Variants in HIBCH observed in about 807,000 individuals in gnomAD.
HIBCH encodes 3-hydroxyisobutyryl-CoA hydrolase.
Under a neutral mutation model 58.2 loss-of-function variants are expected in HIBCH, and 50 were observed. The observed-to-expected ratio is 0.86, with a 90% CI of 0.68 to 1.09. The LOEUF (loss-of-function observed/expected upper bound fraction) is 1.09, where lower values mean the gene tolerates loss of function less well. Ranked by LOEUF, HIBCH falls within the 50% of genes least tolerant of loss-of-function variation. HIBCH has a pLI of 0.00. For synonymous variants in HIBCH, 151 were observed against 146.9 expected, an observed-to-expected ratio of 1.03 and a Z score of -0.20; for missense variants, 450 against 449.7, an observed-to-expected ratio of 1.00 and a Z score of -0.01.
intron 7 of HIBCH, among the ~76,000 whole-genome samples, chr2:190,260,891 TTAA>T (rs1687069514): frequency 6.6e-6 from 1 of 152,206 alleles, no homozygotes; most frequent in Non-Finnish European, 1.5e-5. Flanking sequence ...ATATATTCCC[TTAA>T]TGATATTTTA....
At chr2:190,246,008 A>AAT in intron 10 of HIBCH, 146 bp downstream of exon 10, 1 of 531,212 alleles carries the variant, frequency 1.9e-6, no homozygotes, top group Non-Finnish European at 3.3e-6. Flanking sequence ...AAAAAAAAAA[A>AAT]GGAAGGAAAG....
Position 190,210,720 on chromosome 2 carries a change from C to T in HIBCH, c.1012-1807G>A, listed in dbSNP as rs1040109218. Among the ~76,000 whole-genome samples the T allele has an allele frequency of 2.0e-5, 3 of 152,256 alleles. No homozygotes were observed. The highest frequency in any genetic ancestry group is 4.4e-5 in the Non-Finnish European group (3 of 68,012). ...CCTCTGCCCCCCATCCGCTTCCACA[C>T]GGCCTCTTTGTGGTCCCTAGCACAG... is the stretch of plus-strand genomic sequence containing the variant. On this transcript the variant is annotated intron_variant, in intron 12 of 13. Coordinates refer to ENST00000359678, the MANE Select transcript of HIBCH (RefSeq NM_014362.4). The surrounding 1 kb of genome is among the most constrained non-coding windows in gnomAD (Gnocchi z 5.5).
chr2:190,256,387 T>A (rs1051011711), intron 7 of HIBCH, among the ~76,000 whole-genome samples: 1 of 147,824 alleles, frequency 6.8e-6, no homozygotes, highest in African/African-American at 2.6e-5. Flanking sequence ...CAAAGCAAGA[T>A]CTTGCCCCAG....
At chr2:190,205,762 A>C (rs751142280) in intron 13 of HIBCH, among the ~76,000 whole-genome samples, 4 of 152,192 alleles carry the variant, frequency 2.6e-5, no homozygotes, top group African/African-American at 4.8e-5. Context: ...GATTTAAAAA[A>C]ATCAGGTTAT....
At position 190,197,571 on chromosome 2, in the gene HIBCH, ACT is replaced by A. The variant is rs956337490; in HGVS notation, c.*17+7527_*17+7528del. Among the ~76,000 whole-genome samples the A allele has an allele frequency of 1.3e-4, 20 of 151,990 alleles. No homozygotes were observed. The highest frequency in any genetic ancestry group is 4.3e-4 in the African/African-American group (18 of 41,456). ...TAACCTCTGTTGCATCAGAGTTGCC[ACT>A]CTCTGACTCTCCTGGGGCTCAACTC... On this transcript the variant is annotated intron_variant, in intron 1 of 1. Transcript: ENST00000399855. The surrounding 1 kb of genome is among the most constrained non-coding windows in gnomAD (Gnocchi z 4.0).
rs1239115068 is a variant in HIBCH at position 190,300,817 on chromosome 2, G to A, written c.79-3864C>T. ...CATTTAAATCTTTAATTCATCTTGA[G>A]ATAATTTTTGTATATAGTGTAAGCA... On this transcript the variant is annotated intron_variant, in intron 2 of 13. Transcript: ENST00000359678. 4.6e-5 allele frequency among the ~76,000 whole-genome samples: 7 copies of A among 152,274 alleles called. No homozygotes were observed. In the South Asian group the frequency reaches 1.5e-3, roughly 32 times the overall value.
intron 5 of HIBCH, among the ~76,000 whole-genome samples, chr2:190,288,457 A>C (rs1687884260): frequency 6.7e-6 from 1 of 150,338 alleles, no homozygotes; most frequent in African/African-American, 2.5e-5. Flanking sequence ...TTCTGGAGAA[A>C]CTTTTGCACA....
intron 1 of HIBCH, among the ~76,000 whole-genome samples, chr2:190,192,061 GTCT>G (rs1207274046): frequency 6.6e-6 from 1 of 151,460 alleles, no homozygotes; most frequent in Non-Finnish European, 1.5e-5. Context: ...CAAATGTTTT[GTCT>G]TCTTGTTTTA....
At chr2:190,262,789 T>A (rs2105953943) in intron 6 of HIBCH, among the ~76,000 whole-genome samples, 1 of 152,360 alleles carries the variant, frequency 6.6e-6, no homozygotes, top group East Asian at 1.9e-4. Context: ...ATAGAGTATG[T>A]TTTATTTTAG....
Position 190,284,923 on chromosome 2 carries a change from G to C in HIBCH, c.438+2663C>G, listed in dbSNP as rs1285793711. Among the ~76,000 whole-genome samples the C allele has an allele frequency of 3.9e-5, 6 of 151,996 alleles. 1 individual carries two copies. Among genetic ancestry groups the C allele is most frequent in the African/African-American group, 1.4e-4 (6 of 41,390 alleles). On this transcript the variant is annotated intron_variant, in intron 6 of 13. Coordinates refer to ENST00000359678, the MANE Select transcript of HIBCH (RefSeq NM_014362.4). ...TTCATTATATCTGATCATCATTTCT[G>C]TTCCAAGTATCTGATTTACTTTCAG...
At chr2:190,232,931 C>G (rs1686150617) in intron 11 of HIBCH, among the ~76,000 whole-genome samples, 1 of 151,896 alleles carries the variant, frequency 6.6e-6, no homozygotes, top group Non-Finnish European at 1.5e-5. Flanking sequence ...GCACTCCAGC[C>G]TGGGTGACAG....
rs1207804532 is a variant in HIBCH at position 190,207,135 on chromosome 2, A to G, written c.1045+1745T>C. Among the ~76,000 whole-genome samples, 1 of 152,032 alleles carries G rather than the reference A, an allele frequency of 6.6e-6. No homozygotes were observed. The highest frequency in any genetic ancestry group is 1.5e-5 in the Non-Finnish European group (1 of 68,020). On this transcript the variant is annotated intron_variant, in intron 13 of 13. Transcript: ENST00000359678. The surrounding 1 kb of genome is among the most constrained non-coding windows in gnomAD (Gnocchi z 4.5). ...AGACTCCATCTCAAAAAACAAAACA[A>G]AACAAAAAAAAGTCGTATAATAAGC...
chr2:190,266,638 TG>T (rs374782742), intron 6 of HIBCH, among the ~76,000 whole-genome samples: 84 of 152,302 alleles, frequency 5.5e-4, no homozygotes, highest in African/African-American at 1.9e-3. Context: ...TTCACCATGT[TG>T]GCCAGGCTGG....
At chr2:190,205,974 C>G (rs1003565257) in intron 13 of HIBCH, among the ~76,000 whole-genome samples, 4 of 152,130 alleles carry the variant, frequency 2.6e-5, no homozygotes, top group African/African-American at 9.7e-5. Context: ...TTCTTACAAC[C>G]GCATGAATCT....
At chr2:190,295,074 C>T (rs983858053) in intron 3 of HIBCH, among the ~76,000 whole-genome samples, 2 of 152,164 alleles carry the variant, frequency 1.3e-5, no homozygotes, top group African/African-American at 4.8e-5. Flanking sequence ...ACGTAAGTAA[C>T]ATAGTGAAAC....
At chr2:190,221,776 A>G (rs943280207) in intron 11 of HIBCH, among the ~76,000 whole-genome samples, 10 of 152,130 alleles carry the variant, frequency 6.6e-5, no homozygotes, top group African/African-American at 2.4e-4. Flanking sequence ...TGGACATTGG[A>G]GAGAGGCAGC....
rs182939934 is a variant in HIBCH, at chr2:190,288,849, T to G, written c.386-1211A>C. 7.8e-3 allele frequency among the ~76,000 whole-genome samples: 1,185 copies of G among 152,258 alleles called. 18 individuals carry two copies. Among genetic ancestry groups the G allele is most frequent in the Non-Finnish European group, 8.1e-3 (550 of 67,998 alleles). ...TACACCACACCAGGTGCGTGGCTCATGTCTGTAATCCCAGTACTTTGGGAG... is the reference window on the plus strand; with the variant it reads ...TACACCACACCAGGTGCGTGGCTCAGGTCTGTAATCCCAGTACTTTGGGAG... On this transcript the variant is annotated intron_variant, in intron 5 of 13. Coordinates refer to ENST00000359678, the MANE Select transcript of HIBCH (RefSeq NM_014362.4).
chr2:190,192,487 T>TGTGTGTGTGTGTGTGTGTGTGTGC, intron 1 of HIBCH, among the ~76,000 whole-genome samples: 1 of 151,680 alleles, frequency 6.6e-6, no homozygotes, highest in African/African-American at 2.4e-5. Context: ...TGTGTGTGTG[T>TGTGTGTGTGTGTGTGTGTGTGTGC]GTGTATCTAT....
downstream of HIBCH, among the ~76,000 whole-genome samples, chr2:190,203,679 A>G (rs1389738263): frequency 6.6e-6 from 1 of 152,142 alleles, no homozygotes; most frequent in Non-Finnish European, 1.5e-5. Flanking sequence ...AATGTATCCG[A>G]TATCATGGCA....
Sources: allele counts gnomAD v4.1 joint callset (sites outside exome capture counted in the v4.1 genomes callset), GRCh38; gene constraint gnomAD v4.1.1; non-coding constraint Gnocchi (gnomAD v3.1); transcripts MANE v1.5; gene names NCBI Gene and HGNC (gene_info 2026-07-23, HGNC 2026-07-21).